The following DHRS12 variants were observed in gnomAD, a reference collection of about 807,000 sequenced individuals.
DHRS12 encodes dehydrogenase/reductase SDR family member 12.
Under a neutral mutation model 32.1 loss-of-function variants are expected in DHRS12, and 29 were observed. The observed-to-expected ratio is 0.90, with a 90% CI of 0.67 to 1.23. The LOEUF is 1.23. DHRS12 is among the 50% of genes most tolerant of loss of function. DHRS12 has a pLI of 0.00. For missense variants in DHRS12, 330 were observed against 337.2 expected (o/e 0.98, Z 0.17); for synonymous variants, 150 against 135.9 (o/e 1.10, Z -0.72).
intron 4 of DHRS12, among the ~76,000 whole-genome samples, chr13:51,779,742 G>A (rs1032359384): frequency 1.3e-5 from 2 of 152,212 alleles, no homozygotes; most frequent in African/African-American, 4.8e-5. Context: ...GGCTGCCCTT[G>A]TAGCCCACTA....
intron 3 of DHRS12, among the ~76,000 whole-genome samples, 172 bp downstream of exon 3, chr13:51,790,993 T>G (rs1955240492): frequency 6.6e-6 from 1 of 152,072 alleles, no homozygotes; most frequent in Admixed American, 6.6e-5. Flanking sequence ...ACCACATGCG[T>G]CTCCTCTTAA....
intron 4 of DHRS12, among the ~76,000 whole-genome samples, chr13:51,779,606 G>A (rs1954608559): frequency 6.6e-6 from 1 of 152,204 alleles, no homozygotes; most frequent in South Asian, 2.1e-4. Context: ...CGAAGCAGTT[G>A]TGATGAGAGT....
chr13:51,766,174 A>AG (rs1953742330), downstream of DHRS12: 1 of 152,228 alleles, frequency 6.6e-6, no homozygotes, highest in Non-Finnish European at 1.5e-5. Flanking sequence ...TTTGTGTCTT[A>AG]CACCATTTGC....
intron 1 of DHRS12, among the ~76,000 whole-genome samples, chr13:51,800,809 T>C (rs1955719744): frequency 2.0e-5 from 3 of 152,232 alleles, no homozygotes; most frequent in African/African-American, 4.8e-5. Context: ...CAGATGTTCT[T>C]AAGAGAACAA....
At chr13:51,776,919 C>T in intron 5 of DHRS12, 141 bp downstream of exon 5, 3 of 901,480 alleles carry the variant, frequency 3.3e-6, no homozygotes, top group East Asian at 5.2e-5. Context: ...TCCCTCTCGG[C>T]CCCCTGACAG....
At chr13:51,801,215 C>T (rs1418641918) in intron 1 of DHRS12, among the ~76,000 whole-genome samples, 1 of 152,116 alleles carries the variant, frequency 6.6e-6, no homozygotes, top group African/African-American at 2.4e-5. Flanking sequence ...GAGACAGAGT[C>T]CCACCCTGTC....
chr13:51,777,152 G>T, intron 4 of DHRS12, 31 bp from the exon 5 acceptor site: 1 of 1,613,324 alleles, frequency 6.2e-7, no homozygotes, highest in Non-Finnish European at 8.5e-7. Context: ...CCATGAGGGG[G>T]CTGCAGGAAG....
rs1212277811 is a variant in DHRS12 at position 51,768,229 on chromosome 13, T to A, written c.765A>T (p.Lys255Asn). ...CCAGCTGTTCCAGGATTTCAATGAGTTTCTCCTCTTCGGCCGGTGAGGAGG... is the reference window on the plus strand; with the variant it reads ...CCAGCTGTTCCAGGATTTCAATGAGATTCTCCTCTTCGGCCGGTGAGGAGG... ...TASSSPAEEEKLIEILEQLAQ... is the reference protein window; with the variant it reads ...TASSSPAEEENLIEILEQLAQ... Residue 255 changes from lysine (K) to asparagine (N), a missense_variant, in exon 9 of 9, where the codon AAA (lysine) becomes AAT (asparagine). Coordinates refer to ENST00000444610, the MANE Select transcript of DHRS12 (RefSeq NM_001377533.1). 1 of 1,535,964 alleles carries A rather than the reference T, an allele frequency of 6.5e-7. No homozygotes were observed. Among genetic ancestry groups the A allele is most frequent in the African/African-American group, 1.4e-5 (1 of 73,022 alleles).
At position 51,771,867 on chromosome 13, in the gene DHRS12, CG is replaced by C. The variant is rs771615720; in HGVS notation, c.512del (p.Pro171ArgfsTer18). 1.2e-6 allele frequency: 2 copies of C among 1,613,900 alleles called. No individual in the cohort carries two copies. Among genetic ancestry groups the C allele is most frequent in the African/African-American group, 2.7e-5 (2 of 74,856 alleles). On this transcript the variant is annotated frameshift_variant, in exon 7 of 9. Coordinates refer to ENST00000444610, the MANE Select transcript of DHRS12 (RefSeq NM_001377533.1). LOFTEE classifies it high-confidence loss of function. ...GATGCATGGAAGAAAAATGGATGGC[CG>C]GGTGCCCTTGGGCCCACCGCTCCGT... is the stretch of plus-strand genomic sequence containing the variant. ...VLTERWAQGH[P>X]AIHFSSMHPG...
chr13:51,768,895 A>G (rs1953877611), intron 8 of DHRS12: 1 of 1,373,592 alleles, frequency 7.3e-7, no homozygotes, highest in Non-Finnish European at 9.4e-7. Context: ...TTCCATTCCC[A>G]AGGTAGGAAC....
chr13:51,799,490 C>T, intron 2 of DHRS12, 44 bp downstream of exon 2: 1 of 1,608,930 alleles, frequency 6.2e-7, no homozygotes, highest in Non-Finnish European at 8.5e-7. Context: ...CGGCCGCAGT[C>T]TGGCCGTGGG....
chr13:51,760,627 A>C, the DHRS12 span: 3 of 152,214 alleles, frequency 2.0e-5, no homozygotes, highest in African/African-American at 7.2e-5. Context: ...GTAACAATGA[A>C]AACAAATGAC....
intron 7 of DHRS12, 117 bp downstream of exon 7, chr13:51,771,704 C>T (rs1173890164): frequency 2.2e-6 from 3 of 1,362,838 alleles, no homozygotes; most frequent in Non-Finnish European, 3.1e-6. Context: ...AATGAAGCTA[C>T]TCCTCAGTCC....
At chr13:51,786,948 A>G (rs1954986216) in intron 4 of DHRS12, among the ~76,000 whole-genome samples, 1 of 152,202 alleles carries the variant, frequency 6.6e-6, no homozygotes, top group African/African-American at 2.4e-5. Flanking sequence ...CAGGACTCGG[A>G]CAGGGGTCCA....
intron 3 of DHRS12, 31 bp from the exon 4 acceptor site, chr13:51,790,123 A>G: frequency 6.5e-7 from 1 of 1,548,164 alleles, no homozygotes; most frequent in Middle Eastern, 1.7e-4. Context: ...TTCAAAATAA[A>G]GAAAAATAGG....
intron 4 of DHRS12, among the ~76,000 whole-genome samples, chr13:51,784,369 G>C (rs535402678): frequency 2.0e-5 from 3 of 152,324 alleles, no homozygotes; most frequent in African/African-American, 7.2e-5. Context: ...CCAGGTAGGG[G>C]ACATTCCAGG....
At chr13:51,801,477 C>T (rs911108443) in intron 1 of DHRS12, among the ~76,000 whole-genome samples, 10 of 152,168 alleles carry the variant, frequency 6.6e-5, no homozygotes, top group Non-Finnish European at 1.3e-4. Context: ...CATAAGCCAC[C>T]GCACCCAGGT....
chr13:51,759,937 C>A, the DHRS12 span: 1 of 622,700 alleles, frequency 1.6e-6, no homozygotes, highest in Non-Finnish European at 2.8e-6. Context: ...GGCCAGTGAG[C>A]ACTCGCAAGG....
intron 3 of DHRS12, 118 bp downstream of exon 3, chr13:51,791,047 G>A (rs1955243325): frequency 1.6e-6 from 1 of 614,974 alleles, no homozygotes; most frequent in South Asian, 3.3e-5. Flanking sequence ...CCAAGCATAA[G>A]AGAGTCTTAC....
Sources: allele counts gnomAD v4.1 joint callset (sites outside exome capture counted in the v4.1 genomes callset), GRCh38; gene constraint gnomAD v4.1.1; transcripts MANE v1.5; gene names NCBI Gene and HGNC (gene_info 2026-07-23, HGNC 2026-07-21).